Variants in DMXL1 observed in about 807,000 individuals in gnomAD.
DMXL1 encodes the protein dmX-like protein 1.
In DMXL1, 99 loss-of-function variants were observed where a neutral mutation model predicts 319.2. That is an observed-to-expected ratio of 0.31 (90% CI 0.26 to 0.37). The LOEUF (loss-of-function observed/expected upper bound fraction) is 0.37, where lower values mean the gene tolerates loss of function less well. Among genes scored for constraint, DMXL1 ranks in the 10% least tolerant of loss-of-function variants. DMXL1 has a pLI of 1.00. For synonymous variants in DMXL1, 1,385 were observed against 1,235.2 expected, an observed-to-expected ratio of 1.12 and a Z score of -2.54; for missense variants, 3,745 against 3,595.6, an observed-to-expected ratio of 1.04 and a Z score of -1.06.
chr5:119,093,169 C>T (rs112829913), intron 1 of DMXL1, among the ~76,000 whole-genome samples: 4,957 of 152,162 alleles, frequency 0.033, 254 homozygotes, highest in African/African-American at 0.11. Flanking sequence ...TGGTAATTCT[C>T]AAAATATTTC....
chr5:119,180,449 C>G (rs1417260317), intron 28 of DMXL1, among the ~76,000 whole-genome samples: 3 of 152,078 alleles, frequency 2.0e-5, no homozygotes, highest in Non-Finnish European at 4.4e-5. Context: ...CCACACTTTG[C>G]TTACTACTTT....
At position 119,110,233 on chromosome 5, in the gene DMXL1, A is replaced by G; in HGVS notation, c.447A>G (p.Leu149=). The part of the protein sequence containing the change: ...NLEKPTEDEN[L]NKTDLNFGDW... ...AGAAGCCAACTGAAGATGAAAATTT[A>G]AATAAAACAGATCTTAACTTTGGAG... is the stretch of plus-strand genomic sequence containing the variant. The change falls in exon 5 of 44, where the codon TTA becomes TTG. Residue 149 remains leucine (L), a synonymous_variant. Transcript: ENST00000539542. The G allele has an allele frequency of 6.3e-7, 1 of 1,588,450 alleles. No individual in the cohort carries two copies.
chr5:119,207,385 C>T (rs1427810539), intron 34 of DMXL1, among the ~76,000 whole-genome samples: 1 of 151,962 alleles, frequency 6.6e-6, no homozygotes, highest in Admixed American at 6.6e-5. Flanking sequence ...GTAGCAATAG[C>T]ATGTAGCAAA....
chr5:119,088,927 T>G (rs908757604), intron 1 of DMXL1, among the ~76,000 whole-genome samples: 6 of 152,136 alleles, frequency 3.9e-5, no homozygotes, highest in Non-Finnish European at 7.4e-5. Flanking sequence ...AATTACAGTA[T>G]TCTTCTAGAT....
chr5:119,169,278 A>G (rs1195626976), intron 23 of DMXL1, among the ~76,000 whole-genome samples: 3 of 152,242 alleles, frequency 2.0e-5, no homozygotes, highest in Non-Finnish European at 2.9e-5. Flanking sequence ...TTAAACTTGT[A>G]TTCTTCTAGA....
Position 119,170,092 on chromosome 5 carries a change from C to T in DMXL1, c.5399-98C>T, listed in dbSNP as rs145022102. On this transcript the variant is annotated intron_variant, in intron 23 of 43. Transcript: ENST00000539542. ...ATTAGTAAAATTTTGTCAAAAGACT[C>T]TTTAGATAAAGGTGTCATAGTAGAT... 1.8e-4 allele frequency: 237 copies of T among 1,311,266 alleles called. No individual in the cohort carries two copies. The African/African-American group carries it at 2.5e-3, about 14-fold the overall frequency. The allele number at this position is 1,311,266 out of a possible 1,614,324, so 81.2% of individuals were successfully genotyped here. A position where few individuals can be genotyped will look rare whatever the true frequency, so the allele number is the denominator to read the frequency against.
rs1581012381 is a variant in DMXL1 at position 119,147,550 on chromosome 5, A to G, written c.2911+80A>G. On this transcript the variant is annotated intron_variant, in intron 17 of 43. Transcript: ENST00000539542. ...GTATTTAAAAATAGGTGCTGCAACT[A>G]TCTCTTAAATCCACACAGAACTAGA... 4.5e-6 allele frequency: 4 copies of G among 892,440 alleles called. No homozygotes were observed. In the East Asian group the frequency reaches 7.6e-5, roughly 17 times the overall value. The allele number at this position is 892,440 out of a possible 1,614,324, so 55.3% of individuals were successfully genotyped here. A position where few individuals can be genotyped will look rare whatever the true frequency, so the allele number is the denominator to read the frequency against.
At chr5:119,075,426 G>C (rs1353151749) in intron 1 of DMXL1, among the ~76,000 whole-genome samples, 1 of 151,654 alleles carries the variant, frequency 6.6e-6, no homozygotes, top group Non-Finnish European at 1.5e-5. Flanking sequence ...TTTTAGTAGA[G>C]ACGGGTTTCA....
intron 25 of DMXL1, among the ~76,000 whole-genome samples, chr5:119,173,836 G>A (rs1775243981): frequency 7.6e-6 from 1 of 132,400 alleles, no homozygotes; most frequent in African/African-American, 2.8e-5. Context: ...TGTTTTATGT[G>A]GTTTTGGAGG....
rs1252039353 is a variant in DMXL1 at position 119,189,680 on chromosome 5, C to T, written c.7136-28C>T. The T allele has an allele frequency of 1.0e-5, 16 of 1,597,314 alleles. 1 individual carries two copies. Among genetic ancestry groups the T allele is most frequent in the Non-Finnish European group, 1.1e-5 (13 of 1,165,496 alleles). Reference sequence around the variant, plus strand: ...AATAAATGCAATGAAAATAGTACTTCAGTAACATTTTATTTTCTTTTTGTT... The same window carrying T: ...AATAAATGCAATGAAAATAGTACTTTAGTAACATTTTATTTTCTTTTTGTT... On this transcript the variant is annotated intron_variant, in intron 28 of 43. Transcript: ENST00000539542.
At position 119,071,606 on chromosome 5, in the gene DMXL1, C is replaced by T. The variant is rs1338842054; in HGVS notation, c.37C>T (p.Pro13Ser). 10 of 1,605,220 alleles carry T rather than the reference C, an allele frequency of 6.2e-6. No homozygotes were observed. Among genetic ancestry groups the T allele is most frequent in the Non-Finnish European group, 8.5e-6 (10 of 1,176,332 alleles). ...LHQVLTGAVN[P>S]GDHCFSVGSI... Reference sequence around the variant, plus strand: ...CCAGGTGCTGACCGGGGCTGTGAACCCTGGCGACCACTGCTTCTCCGTGGG... The same window carrying T: ...CCAGGTGCTGACCGGGGCTGTGAACTCTGGCGACCACTGCTTCTCCGTGGG... The change falls in exon 1 of 44, where the codon CCT (proline) becomes TCT (serine). Residue 13 changes from proline to serine, a missense_variant. This residue lies in a region of DMXL1 where 2,096 missense variants were observed against 1,985.4 expected (regional missense o/e 1.06). Coordinates refer to ENST00000539542, the MANE Select transcript of DMXL1 (RefSeq NM_001290321.3).
At chr5:119,114,914 C>T (rs944241441) in intron 6 of DMXL1, among the ~76,000 whole-genome samples, 3 of 152,180 alleles carry the variant, frequency 2.0e-5, no homozygotes, top group African/African-American at 7.2e-5. Context: ...GTGATCCGCC[C>T]ACCTCGGCCT....
At chr5:119,143,471 A>G (rs1355035516) in intron 13 of DMXL1, among the ~76,000 whole-genome samples, 1 of 152,034 alleles carries the variant, frequency 6.6e-6, no homozygotes, top group Non-Finnish European at 1.5e-5. Context: ...GCATATTTGA[A>G]TAGTATGTAA....
At chr5:119,233,862 T>C (rs1246863176) in intron 39 of DMXL1, among the ~76,000 whole-genome samples, 1 of 152,170 alleles carries the variant, frequency 6.6e-6, no homozygotes, top group Non-Finnish European at 1.5e-5. Context: ...ACCATCTGCA[T>C]TTTAACCCGA....
chr5:119,142,546 A>G (rs1211042495), intron 13 of DMXL1, among the ~76,000 whole-genome samples: 1 of 149,498 alleles, frequency 6.7e-6, no homozygotes, highest in Non-Finnish European at 1.5e-5. Flanking sequence ...AAAGATGCTG[A>G]TGAGGTTGCA....
intron 34 of DMXL1, among the ~76,000 whole-genome samples, chr5:119,212,278 A>G (rs1326088307): frequency 1.3e-5 from 2 of 152,126 alleles, no homozygotes; most frequent in African/African-American, 4.8e-5. Context: ...TACTATCCCT[A>G]GGTACCTCAT....
intron 28 of DMXL1, among the ~76,000 whole-genome samples, chr5:119,182,677 T>A (rs991056766): frequency 2.0e-5 from 3 of 152,142 alleles, no homozygotes; most frequent in Non-Finnish European, 4.4e-5. Flanking sequence ...GTCTGGCAGG[T>A]CAAAATTCTT....
chr5:119,225,395 T>C (rs1785351406), intron 38 of DMXL1, among the ~76,000 whole-genome samples: 1 of 152,066 alleles, frequency 6.6e-6, no homozygotes, highest in African/African-American at 2.4e-5. Flanking sequence ...ATTGGAGGTA[T>C]TGATTCTGGT....
chr5:119,217,714 T>A (rs1311430918), intron 35 of DMXL1, among the ~76,000 whole-genome samples: 1 of 152,186 alleles, frequency 6.6e-6, no homozygotes, highest in Non-Finnish European at 1.5e-5. Context: ...AATTTTAAAA[T>A]AATTGTTAAA....
Sources: gnomAD v4.1 joint callset for allele counts (sites outside exome capture counted in the v4.1 genomes callset) on GRCh38, gnomAD v4.1.1 for gene constraint, gnomAD v4.1.1 regional missense constraint, MANE v1.5 for transcripts, NCBI Gene and HGNC (gene_info 2026-07-23, HGNC 2026-07-21) for gene names.